The following MAST4 variants were observed in gnomAD, a reference collection of about 807,000 sequenced individuals.
MAST4 encodes microtubule associated serine/threonine kinase family member 4, also known as microtubule-associated serine/threonine-protein kinase 4.
Under a neutral mutation model 162.7 loss-of-function variants are expected in MAST4, and 89 were observed. That is an observed-to-expected ratio of 0.55 (90% CI 0.46 to 0.65). The LOEUF (loss-of-function observed/expected upper bound fraction) is 0.65. Ranked by LOEUF, MAST4 falls within the 30% of genes least tolerant of loss-of-function variation. MAST4 has a pLI of 0.00. For missense variants in MAST4, 3,153 were observed against 3,374.0 expected, an observed-to-expected ratio of 0.93 and a Z score of 1.62; for synonymous variants, 1,479 against 1,361.1, an observed-to-expected ratio of 1.09 and a Z score of -1.91.
intron 1 of MAST4, among the ~76,000 whole-genome samples, chr5:66,704,946 T>C (rs1241715412): frequency 6.6e-6 from 1 of 152,192 alleles, no homozygotes; most frequent in African/African-American, 2.4e-5. Flanking sequence ...TAAGCAGTCC[T>C]AGAGGTGGGG....
rs1461900567 is a variant in MAST4 at position 67,102,530 on chromosome 5, T to C, written c.1071-6T>C. 1.1e-5 allele frequency: 17 copies of C among 1,613,796 alleles called. No homozygotes were observed. In the East Asian group the frequency reaches 3.8e-4, roughly 36 times the overall value. On this transcript the variant is annotated splice_polypyrimidine_tract_variant and splice_region_variant and intron_variant, in intron 8 of 28. Transcript: ENST00000403625. ...AGTTTAAAAGGGTAATTTGCTTTGC[T>C]TGCAGCCCTGGACGTTCTCCCGCCT...
rs566360018 is a variant in MAST4, at chr5:66,835,589, A to G, written c.642+46795A>G. Among the ~76,000 whole-genome samples the G allele has an allele frequency of 9.8e-5, 15 of 152,340 alleles. No individual in the cohort carries two copies. In the South Asian group the frequency reaches 2.7e-3, roughly 27 times the overall value. On this transcript the variant is annotated intron_variant, in intron 3 of 28. Coordinates refer to ENST00000403625, the MANE Select transcript of MAST4 (RefSeq NM_001164664.2). ...AGGAGACTGAAAGCCCAGCTAATCAATAAACTAGATAAACTATAAAAATTG... is the reference window on the plus strand; with the variant it reads ...AGGAGACTGAAAGCCCAGCTAATCAGTAAACTAGATAAACTATAAAAATTG...
At chr5:66,994,743 CAAGTT>C (rs1282195912) in intron 4 of MAST4, among the ~76,000 whole-genome samples, 1 of 152,138 alleles carries the variant, frequency 6.6e-6, no homozygotes, top group Non-Finnish European at 1.5e-5. Context: ...TGGGAAATAA[CAAGTT>C]AGGGTGTTTT....
At chr5:66,707,334 C>A (rs1332989970) in intron 1 of MAST4, among the ~76,000 whole-genome samples, 1 of 152,190 alleles carries the variant, frequency 6.6e-6, no homozygotes, top group East Asian at 1.9e-4. Context: ...AGAGCCACAG[C>A]TGTGTGTTCC....
intron 1 of MAST4, among the ~76,000 whole-genome samples, chr5:66,717,868 C>G (rs553482583): frequency 6.6e-6 from 1 of 152,230 alleles, no homozygotes; most frequent in East Asian, 1.9e-4. Flanking sequence ...TCAGTCATTC[C>G]CAGTTAGGCA....
At chr5:66,823,619 A>C (rs1437799613) in intron 3 of MAST4, among the ~76,000 whole-genome samples, 1 of 152,126 alleles carries the variant, frequency 6.6e-6, no homozygotes, top group Non-Finnish European at 1.5e-5. Context: ...CTGGGATTAC[A>C]GGTGTGTGTG....
intron 4 of MAST4, among the ~76,000 whole-genome samples, chr5:67,024,071 C>T (rs146515306): frequency 5.3e-5 from 8 of 151,550 alleles, no homozygotes; most frequent in Admixed American, 4.6e-4. Flanking sequence ...TCCCCCTCCC[C>T]CAACCCCTGG....
chr5:66,604,075 C>T (rs554956431), intron 1 of MAST4, among the ~76,000 whole-genome samples: 3 of 152,304 alleles, frequency 2.0e-5, no homozygotes, highest in Non-Finnish European at 4.4e-5. Context: ...ATCTGTGCTT[C>T]CAGGGTTAGG....
intron 1 of MAST4, among the ~76,000 whole-genome samples, chr5:66,710,151 C>G (rs921111722): frequency 2.6e-5 from 4 of 152,218 alleles, no homozygotes; most frequent in Non-Finnish European, 5.9e-5. Context: ...GCTTCCATTT[C>G]TCTCCTGGAT....
intron 12 of MAST4, among the ~76,000 whole-genome samples, chr5:67,118,013 A>C (rs1004948884): frequency 3.3e-5 from 5 of 152,248 alleles, no homozygotes; most frequent in African/African-American, 1.2e-4. Flanking sequence ...TAGTATGCTA[A>C]GAGCTTTACA....
At chr5:66,680,019 G>A (rs1163368171) in intron 1 of MAST4, among the ~76,000 whole-genome samples, 1 of 152,108 alleles carries the variant, frequency 6.6e-6, no homozygotes, top group African/African-American at 2.4e-5. Flanking sequence ...TCCCTTTTGG[G>A]TAAAGACTGA....
At chr5:66,825,272 A>ACT (rs1757188795) in intron 3 of MAST4, among the ~76,000 whole-genome samples, 1 of 84,340 alleles carries the variant, frequency 1.2e-5, no homozygotes, top group East Asian at 9.0e-4. Context: ...ACACACACAC[A>ACT]CACACACACA....
chr5:66,910,213 A>T (rs1039138813), intron 4 of MAST4, among the ~76,000 whole-genome samples: 1 of 152,188 alleles, frequency 6.6e-6, no homozygotes, highest in African/African-American at 2.4e-5. Context: ...AACTTGCCTT[A>T]AAAGCATACC....
chr5:66,850,532 A>C (rs892910504), intron 3 of MAST4, among the ~76,000 whole-genome samples: 6 of 152,184 alleles, frequency 3.9e-5, no homozygotes, highest in African/African-American at 1.4e-4. Context: ...TGATGCTACA[A>C]GTGGAAAATT....
At chr5:66,834,138 G>C (rs985664712) in intron 3 of MAST4, among the ~76,000 whole-genome samples, 14 of 152,182 alleles carry the variant, frequency 9.2e-5, no homozygotes, top group Non-Finnish European at 1.0e-4. Flanking sequence ...TGAAAAGATG[G>C]CGTACATGTC....
intron 14 of MAST4, among the ~76,000 whole-genome samples, chr5:67,122,281 G>T (rs535542673): frequency 2.0e-5 from 3 of 152,110 alleles, no homozygotes; most frequent in Non-Finnish European, 1.5e-5. Context: ...AGTTTTTGTT[G>T]TGCCACAAGG....
intron 4 of MAST4, among the ~76,000 whole-genome samples, chr5:67,017,680 T>A (rs1342963463): frequency 6.6e-6 from 1 of 151,250 alleles, no homozygotes; most frequent in African/African-American, 2.4e-5. Context: ...CTCAGCTCAG[T>A]GCAACCTCTG....
At chr5:66,890,067 A>G (rs1390762838) in intron 3 of MAST4, among the ~76,000 whole-genome samples, 2 of 152,108 alleles carry the variant, frequency 1.3e-5, no homozygotes, top group Non-Finnish European at 2.9e-5. Context: ...GCCTTCTCTA[A>G]TTTGATCAAA....
intron 4 of MAST4, among the ~76,000 whole-genome samples, chr5:66,968,124 T>C (rs1204889195): frequency 6.6e-6 from 1 of 152,206 alleles, no homozygotes; most frequent in Non-Finnish European, 1.5e-5. Context: ...AGTAAGTAGC[T>C]GTAGGCTGGA....
Sources: gnomAD v4.1 joint callset for allele counts (sites outside exome capture counted in the v4.1 genomes callset) on GRCh38, gnomAD v4.1.1 for gene constraint, MANE v1.5 for transcripts, NCBI Gene and HGNC (gene_info 2026-07-23, HGNC 2026-07-21) for gene names.